Variants in PTPRD observed in about 807,000 individuals in gnomAD.
PTPRD encodes receptor-type tyrosine-protein phosphatase delta.
A neutral mutation model predicts 214.5 loss-of-function variants in PTPRD; 34 were observed. The observed-to-expected ratio is 0.16, with a 90% confidence interval of 0.12 to 0.21. The LOEUF is 0.21. Ranked by LOEUF, PTPRD falls within the 10% of genes least tolerant of loss-of-function variation. PTPRD has a pLI of 1.00. For missense variants in PTPRD, 2,545 were observed against 2,398.7 expected (o/e 1.06, Z -1.27); for synonymous variants, 1,128 against 845.7 (o/e 1.33, Z -5.79).
intron 12 of PTPRD, among the ~76,000 whole-genome samples, chr9:8,730,841 G>C (rs116861518): frequency 2.0e-5 from 3 of 152,186 alleles, no homozygotes; most frequent in Non-Finnish European, 4.4e-5. Context: ...TACTCATGCT[G>C]CTCGAACAGA....
chr9:8,903,554 A>G (rs1231985894), intron 11 of PTPRD, among the ~76,000 whole-genome samples: 1 of 152,184 alleles, frequency 6.6e-6, no homozygotes, highest in Non-Finnish European at 1.5e-5. Flanking sequence ...TTTCAACAAC[A>G]AGGATGAATG....
At position 10,479,950 on chromosome 9, in the gene PTPRD, C is replaced by T. The variant is rs1332756079; in HGVS notation, c.-600+132448G>A. ...GAAAATCCGGGGTCTTAAAATTTTT[C>T]GTTTTTAAGAATCAAATTTTCTACC... On this transcript the variant is annotated intron_variant, in intron 2 of 45. Transcript: ENST00000381196. Among the ~76,000 whole-genome samples the T allele has an allele frequency of 2.0e-5, 3 of 151,962 alleles. No homozygotes were observed. The East Asian group carries it at 5.8e-4, about 29-fold the overall frequency.
chr9:9,007,789 G>C (rs1368327602), intron 11 of PTPRD, among the ~76,000 whole-genome samples: 1 of 115,944 alleles, frequency 8.6e-6, no homozygotes, highest in South Asian at 2.7e-4. Flanking sequence ...ATATCTTTCA[G>C]TTGTTTCTTT....
intron 9 of PTPRD, among the ~76,000 whole-genome samples, chr9:9,329,988 C>G (rs1440138688): frequency 6.6e-6 from 1 of 152,116 alleles, no homozygotes; most frequent in Non-Finnish European, 1.5e-5. Flanking sequence ...GATTTCCCCA[C>G]CAGTTCTCAC....
chr9:10,364,166 A>AT (rs1038979801), intron 2 of PTPRD, among the ~76,000 whole-genome samples: 34 of 150,644 alleles, frequency 2.3e-4, no homozygotes, highest in African/African-American at 6.1e-4. Flanking sequence ...TGCCCGGATA[A>AT]TTTTTTTTGT....
chr9:9,565,575 C>T (rs572545448), intron 8 of PTPRD, among the ~76,000 whole-genome samples: 8 of 151,810 alleles, frequency 5.3e-5, no homozygotes, highest in South Asian at 2.1e-4. Context: ...TATAAAAATG[C>T]TTTTAATATT....
chr9:8,479,784 A>G (rs1477348348), intron 30 of PTPRD, among the ~76,000 whole-genome samples: 1 of 152,230 alleles, frequency 6.6e-6, no homozygotes, highest in African/African-American at 2.4e-5. Flanking sequence ...AATATACTAT[A>G]CTATTTTCCT....
intron 9 of PTPRD, among the ~76,000 whole-genome samples, chr9:9,261,155 G>A (rs1569565957): frequency 6.6e-6 from 1 of 151,800 alleles, no homozygotes; most frequent in Non-Finnish European, 1.5e-5. Context: ...CTGTTTACGA[G>A]TGGCTGCTTT....
intron 11 of PTPRD, among the ~76,000 whole-genome samples, chr9:8,961,488 C>T (rs540207115): frequency 1.3e-5 from 2 of 152,194 alleles, no homozygotes; most frequent in South Asian, 2.1e-4. Flanking sequence ...GCCTTGCACC[C>T]GCAAATATCA....
chr9:9,969,878 C>G (rs2094967624), intron 4 of PTPRD, among the ~76,000 whole-genome samples: 1 of 152,182 alleles, frequency 6.6e-6, no homozygotes, highest in African/African-American at 2.4e-5. Flanking sequence ...GAAGCAGGAA[C>G]TTGTATACAT....
chr9:8,565,248 C>A lies in PTPRD; in HGVS notation c.353-36469G>T, dbSNP rs1376984597. Among the ~76,000 whole-genome samples the A allele has an allele frequency of 2.6e-5, 4 of 152,270 alleles. No homozygotes were observed. The East Asian group carries it at 7.7e-4, about 29-fold the overall frequency. ...GGGGAGTTTACACTGCCAGATATGA[C>A]AACTCTTCGCACAATGAAGTTTGAA... On this transcript the variant is annotated intron_variant, in intron 14 of 45. Transcript: ENST00000381196.
At chr9:8,935,048 TTTCTTTA>T (rs2098987556) in intron 11 of PTPRD, among the ~76,000 whole-genome samples, 1 of 152,162 alleles carries the variant, frequency 6.6e-6, no homozygotes, top group Non-Finnish European at 1.5e-5. Flanking sequence ...TGTATCACAT[TTTCTTTA>T]TCCATTTATC....
chr9:10,496,272 C>A (rs550028841), intron 2 of PTPRD, among the ~76,000 whole-genome samples: 7 of 151,938 alleles, frequency 4.6e-5, no homozygotes, highest in Middle Eastern at 3.4e-3. Context: ...GACAAAAACA[C>A]ATTTAAGTAC....
At chr9:9,404,374 A>T (rs984594716) in intron 8 of PTPRD, among the ~76,000 whole-genome samples, 1 of 152,112 alleles carries the variant, frequency 6.6e-6, no homozygotes, top group East Asian at 1.9e-4. Flanking sequence ...CTGGAGATGG[A>T]GAAAACTGGA....
intron 11 of PTPRD, among the ~76,000 whole-genome samples, chr9:8,980,470 T>G (rs1278030391): frequency 1.3e-5 from 2 of 152,110 alleles, no homozygotes; most frequent in African/African-American, 2.4e-5. Flanking sequence ...TCTATATGTA[T>G]CCATAATAAT....
At chr9:9,021,259 G>A (rs1052047996) in intron 10 of PTPRD, among the ~76,000 whole-genome samples, 4 of 152,086 alleles carry the variant, frequency 2.6e-5, no homozygotes, top group East Asian at 3.9e-4. Flanking sequence ...CAGTGGTTTC[G>A]TAAGCTTATA....
chr9:8,440,261 C>A (rs1409786673), intron 34 of PTPRD, among the ~76,000 whole-genome samples: 1 of 151,846 alleles, frequency 6.6e-6, no homozygotes, highest in Non-Finnish European at 1.5e-5. Flanking sequence ...ACAGGGAGGG[C>A]TTGCCAGTGT....
intron 10 of PTPRD, among the ~76,000 whole-genome samples, chr9:9,138,067 C>A (rs1270639245): frequency 6.6e-6 from 1 of 152,082 alleles, no homozygotes. Context: ...CTGTCTGATG[C>A]TAAAGCTCAA....
chr9:9,269,178 A>T (rs1240538563), intron 9 of PTPRD, among the ~76,000 whole-genome samples: 1 of 151,428 alleles, frequency 6.6e-6, no homozygotes, highest in Non-Finnish European at 1.5e-5. Context: ...AAAGCTAAAT[A>T]ACCTTATTTA....
Sources: allele counts gnomAD v4.1 joint callset (sites outside exome capture counted in the v4.1 genomes callset), GRCh38; gene constraint gnomAD v4.1.1; transcripts MANE v1.5; gene names NCBI Gene and HGNC (gene_info 2026-07-23, HGNC 2026-07-21).